MTSS1: variants seen among roughly 807,000 people sequenced by gnomAD.
MTSS1 encodes the protein MTSS I-BAR domain containing 1.
A neutral mutation model predicts 79.0 loss-of-function variants in MTSS1; 18 were observed. The observed-to-expected ratio is 0.23, with a 90% CI of 0.16 to 0.34. MTSS1 has a LOEUF of 0.34. Among genes scored for constraint, MTSS1 ranks in the 10% least tolerant of loss-of-function variants. MTSS1 has a pLI of 1.00. For missense variants in MTSS1, 815 were observed against 986.2 expected, an observed-to-expected ratio of 0.83 and a Z score of 2.33; for synonymous variants, 341 against 368.6, an observed-to-expected ratio of 0.93 and a Z score of 0.86.
In MTSS1 at chr8:124,642,353, A is replaced by T. The variant is rs544951525; in HGVS notation, c.209-51118T>A. Among the ~76,000 whole-genome samples, 115 of 152,290 alleles carry T rather than the reference A, an allele frequency of 7.6e-4. 1 individual carries two copies. Among genetic ancestry groups the T allele is most frequent in the African/African-American group, 2.6e-3 (108 of 41,564 alleles). ...ACCCAAAGACTAGGGAGGGGACACT[A>T]TACTGTGGAAAGAAAAACATCTCCA... On this transcript the variant is annotated intron_variant, in intron 3 of 13. Transcript: ENST00000518547.
At chr8:124,640,835 C>T (rs1212139687) in intron 3 of MTSS1, among the ~76,000 whole-genome samples, 1 of 152,106 alleles carries the variant, frequency 6.6e-6, no homozygotes, top group Non-Finnish European at 1.5e-5. Context: ...AGCCACCGTG[C>T]CCGGCCTCAA....
chr8:124,725,824 T>C (rs1182018256), intron 1 of MTSS1, among the ~76,000 whole-genome samples: 2 of 152,208 alleles, frequency 1.3e-5, no homozygotes, highest in East Asian at 3.8e-4. Flanking sequence ...CAAGAAAATA[T>C]TCAAGAATTG....
chr8:124,634,197 C>A (rs974681503), intron 3 of MTSS1, among the ~76,000 whole-genome samples: 2 of 151,730 alleles, frequency 1.3e-5, no homozygotes, highest in African/African-American at 4.8e-5. Context: ...GCAGCCACAA[C>A]CTCCTGGGCG....
chr8:124,626,662 G>T (rs1017982559), intron 3 of MTSS1, among the ~76,000 whole-genome samples: 3 of 152,082 alleles, frequency 2.0e-5, no homozygotes, highest in South Asian at 2.1e-4. Context: ...ACCTGCCCTT[G>T]GGAGGAGATA....
At chr8:124,615,869 G>A (rs964846124) in intron 3 of MTSS1, among the ~76,000 whole-genome samples, 3 of 152,210 alleles carry the variant, frequency 2.0e-5, no homozygotes, top group Non-Finnish European at 4.4e-5. Context: ...CCTAGAACCA[G>A]CCGTTCAGGA....
chr8:124,609,795 G>A (rs906468580), intron 3 of MTSS1, among the ~76,000 whole-genome samples: 1 of 152,196 alleles, frequency 6.6e-6, no homozygotes, highest in South Asian at 2.1e-4. Context: ...CTCAATTGAT[G>A]TTTGTAGATA....
chr8:124,660,432 G>GCACACACA lies in MTSS1; in HGVS notation c.208+39086_208+39093dup, dbSNP rs5894719. Among the ~76,000 whole-genome samples the GCACACACA allele has an allele frequency of 3.4e-3, 475 of 140,768 alleles. 1 individual carries two copies. Among genetic ancestry groups the GCACACACA allele is most frequent in the South Asian group, 9.4e-3 (38 of 4,046 alleles). The allele number at this position is 140,768 out of a possible 152,430, so 92.3% of individuals were successfully genotyped here. A position where few individuals can be genotyped will look rare whatever the true frequency, so the allele number is the denominator to read the frequency against. ...TATTTAGAAAGTTGCCCATGCGCATGCACACACACACACACACACACACAC... is the reference window on the plus strand; with the variant it reads ...TATTTAGAAAGTTGCCCATGCGCATGCACACACACACACACACACACACACACACACAC... On this transcript the variant is annotated intron_variant, in intron 3 of 13. Coordinates refer to ENST00000518547, the MANE Select transcript of MTSS1 (RefSeq NM_014751.6).
intron 9 of MTSS1, among the ~76,000 whole-genome samples, chr8:124,564,403 G>A (rs975374217): frequency 1.3e-5 from 2 of 152,134 alleles, no homozygotes; most frequent in Non-Finnish European, 2.9e-5. Context: ...ATTACTTGGT[G>A]CAAATGTTCA....
intron 3 of MTSS1, among the ~76,000 whole-genome samples, chr8:124,679,022 C>T (rs781417506): frequency 5.9e-5 from 9 of 152,294 alleles, no homozygotes; most frequent in East Asian, 3.9e-4. Flanking sequence ...CCTTGGCATT[C>T]GAAGGCTTAA....
At position 124,552,700 on chromosome 8, in the gene MTSS1, G is replaced by T; in HGVS notation, c.*292C>A. 2.7e-6 allele frequency: 1 copy of T among 364,670 alleles called. No homozygotes were observed. The highest frequency in any genetic ancestry group is 4.9e-6 in the Non-Finnish European group (1 of 202,930). 22.6% of individuals were successfully genotyped at this position (364,670 alleles called of 1,614,324 possible). ...CTTTATGCATTTAAAATTTTACAAA[G>T]ACTTGTAAAAAAGTTAAATGGAATT... is the stretch of plus-strand genomic sequence containing the variant. On this transcript the variant is annotated 3_prime_UTR_variant, in exon 14 of 14. Coordinates refer to ENST00000518547, the MANE Select transcript of MTSS1 (RefSeq NM_014751.6).
At chr8:124,621,119 C>A (rs1352693456) in intron 3 of MTSS1, among the ~76,000 whole-genome samples, 1 of 152,206 alleles carries the variant, frequency 6.6e-6, no homozygotes, top group Non-Finnish European at 1.5e-5. Context: ...CTTCCCCTTT[C>A]CTCCACCCAA....
Position 124,606,164 on chromosome 8 carries a change from G to T in MTSS1, c.209-14929C>A, listed in dbSNP as rs1168575980. ...CTAATTTTTGTGTTTTCTGTGTTTGGTTTTTTGTTTTTTTTTTTTTTTTTT... is the reference window on the plus strand; with the variant it reads ...CTAATTTTTGTGTTTTCTGTGTTTGTTTTTTTGTTTTTTTTTTTTTTTTTT... On this transcript the variant is annotated intron_variant, in intron 3 of 13. Coordinates refer to ENST00000518547, the MANE Select transcript of MTSS1 (RefSeq NM_014751.6). Among the ~76,000 whole-genome samples, 24 of 106,046 alleles carry T rather than the reference G, an allele frequency of 2.3e-4. 1 individual carries two copies. Among genetic ancestry groups the T allele is most frequent in the Non-Finnish European group, 3.8e-4 (21 of 55,600 alleles). The allele number at this position is 106,046 out of a possible 152,430, so 69.6% of individuals were successfully genotyped here.
intron 10 of MTSS1, chr8:124,558,903 TAAAA>T (rs938686413): frequency 3.4e-6 from 5 of 1,449,886 alleles, no homozygotes; most frequent in South Asian, 2.8e-5. Flanking sequence ...ATATAATAAA[TAAAA>T]AAAGGAATGG....
At chr8:124,561,183 G>C (rs1825218601) in intron 10 of MTSS1, among the ~76,000 whole-genome samples, 1 of 152,192 alleles carries the variant, frequency 6.6e-6, no homozygotes, top group African/African-American at 2.4e-5. Context: ...TGTAATTCCA[G>C]AATTTTGGGA....
intron 3 of MTSS1, among the ~76,000 whole-genome samples, chr8:124,616,407 A>G (rs1381826338): frequency 1.3e-5 from 2 of 149,984 alleles, no homozygotes; most frequent in Non-Finnish European, 3.0e-5. Context: ...CAGCTTTATT[A>G]CTTGAGCTCA....
intron 3 of MTSS1, among the ~76,000 whole-genome samples, chr8:124,689,768 T>C (rs1309655806): frequency 6.8e-6 from 1 of 147,916 alleles, no homozygotes; most frequent in Non-Finnish European, 1.5e-5. Context: ...AAAAAAAAAA[T>C]TCTTCGCTTC....
chr8:124,699,795 C>A lies in MTSS1; in HGVS notation c.135-196G>T, dbSNP rs564128391. Among the ~76,000 whole-genome samples, 3 of 152,290 alleles carry A rather than the reference C, an allele frequency of 2.0e-5. No individual in the cohort carries two copies. In the South Asian group the frequency reaches 6.2e-4, roughly 32 times the overall value. ...CCACCCGAATAATATCCAGCTCATT[C>A]GGTGCTAATCAATAAATGCTAGTAG... is the stretch of plus-strand genomic sequence containing the variant. On this transcript the variant is annotated intron_variant, in intron 2 of 13. Transcript: ENST00000518547.
intron 1 of MTSS1, among the ~76,000 whole-genome samples, chr8:124,710,021 A>T (rs190217512): frequency 3.3e-5 from 5 of 152,350 alleles, no homozygotes; most frequent in African/African-American, 1.2e-4. Flanking sequence ...GGACTGAGAA[A>T]TGAAGGGAGG....
chr8:124,720,717 G>A (rs964565393), intron 1 of MTSS1, among the ~76,000 whole-genome samples: 43 of 152,196 alleles, frequency 2.8e-4, no homozygotes, highest in Admixed American at 1.5e-3. Flanking sequence ...ATAAGGGTGG[G>A]GCAGTGTCTG....
Sources: allele counts gnomAD v4.1 joint callset (sites outside exome capture counted in the v4.1 genomes callset), GRCh38; gene constraint gnomAD v4.1.1; transcripts MANE v1.5; gene names NCBI Gene and HGNC (gene_info 2026-07-23, HGNC 2026-07-21).